The following HLX variants were observed in gnomAD, a reference collection of about 807,000 sequenced individuals.
HLX encodes H2.0-like homeobox protein.
In HLX, 6 loss-of-function variants were observed where a neutral mutation model predicts 27.7. That is an observed-to-expected ratio of 0.22 (90% CI 0.12 to 0.43). The LOEUF (loss-of-function observed/expected upper bound fraction) is 0.43. HLX is among the 20% of genes least tolerant of loss of function. The pLI is 1.00. For synonymous variants in HLX, 328 were observed against 293.8 expected (o/e 1.12, Z -1.19); for missense variants, 666 against 655.2 (o/e 1.02, Z -0.18).
chr1:220,879,873 C>T lies in HLX; in HGVS notation c.16C>T (p.Leu6=), dbSNP rs1674383985. ...CCCCGGCAGGATGTTCGCAGCCGGG[C>T]TGGCTCCCTTCTACGCCTCCAACTT... MFAAG[L]APFYASNFSL... is the part of the protein sequence containing the mutation. Residue 6 remains leucine, a synonymous_variant, in exon 1 of 4, where the codon CTG becomes TTG. Coordinates refer to ENST00000366903, the MANE Select transcript of HLX (RefSeq NM_021958.4). 3 of 1,584,722 alleles carry T rather than the reference C, an allele frequency of 1.9e-6. No individual in the cohort carries two copies. The East Asian group carries it at 6.8e-5, about 36-fold the overall frequency.
In HLX at chr1:220,884,875, C is replaced by A; in HGVS notation, c.*171C>A. The A allele has an allele frequency of 9.3e-7, 1 of 1,073,354 alleles. No individual in the cohort carries two copies. Among genetic ancestry groups the A allele is most frequent in the South Asian group, 1.6e-5 (1 of 62,586 alleles). 66.5% of individuals were successfully genotyped at this position (1,073,354 alleles called of 1,614,324 possible). A position where few individuals can be genotyped will look rare whatever the true frequency, so the allele number is the denominator to read the frequency against. Reference sequence around the variant, plus strand: ...CTGCTCCGACTGGCTGCAGCGGACACTGCCCAAAGCAGAGGGGAGTCTCAG... The same window carrying A: ...CTGCTCCGACTGGCTGCAGCGGACAATGCCCAAAGCAGAGGGGAGTCTCAG... On this transcript the variant is annotated 3_prime_UTR_variant, in exon 4 of 4. Transcript: ENST00000366903. This position sits in a 1 kb window ranked among gnomAD's most constrained non-coding sequence, Gnocchi z 4.9.
chr1:220,879,597 C>G lies in HLX; in HGVS notation c.-261C>G. The stretch of plus-strand genomic sequence containing the variant: ...CGGCCCCAGCGCCCCTCGCTCTCAT[C>G]CAGCCCGCGAGGAGTGCGGGCGCCG... On this transcript the variant is annotated 5_prime_UTR_variant, in exon 1 of 4. It adds an upstream start codon to the 5' untranslated region. Coordinates refer to ENST00000366903, the MANE Select transcript of HLX (RefSeq NM_021958.4). 3 of 537,652 alleles carry G rather than the reference C, an allele frequency of 5.6e-6. No homozygotes were observed. The East Asian group carries it at 1.1e-4, about 19-fold the overall frequency. 33.3% of individuals were successfully genotyped at this position (537,652 alleles called of 1,614,324 possible).
At position 220,880,256 on chromosome 1, in the gene HLX, G is replaced by A. The variant is rs764207745; in HGVS notation, c.399G>A (p.Pro133=). ...HPQQQQQQQQ[P]QQQQPPPPPR... is the part of the protein sequence containing the mutation. ...AACAACAACAGCAGCAGCAACAGCC[G>A]CAGCAGCAACAGCCTCCGCCTCCGC... The change falls in exon 1 of 4, where the codon CCG becomes CCA. Residue 133 remains proline, a synonymous_variant. Coordinates refer to ENST00000366903, the MANE Select transcript of HLX (RefSeq NM_021958.4). 1.9e-6 allele frequency: 3 copies of A among 1,613,140 alleles called. No individual in the cohort carries two copies. Among genetic ancestry groups the A allele is most frequent in the African/African-American group, 2.7e-5 (2 of 74,920 alleles).
chr1:220,883,304 CA>C (rs2102642997), intron 3 of HLX: 1 of 150,250 alleles, frequency 6.7e-6, no homozygotes, highest in African/African-American at 2.4e-5. Flanking sequence ...CACACACACA[CA>C]CACACACACA....
chr1:220,881,916 G>T, intron 2 of HLX: 1 of 562,940 alleles, frequency 1.8e-6, no homozygotes. Flanking sequence ...TTTTTCTCTT[G>T]GAATTAAAGG....
At position 220,879,980 on chromosome 1, in the gene HLX, G is replaced by T; in HGVS notation, c.123G>T (p.Lys41Asn). Residue 41 changes from lysine (K) to asparagine (N), a missense_variant, in exon 1 of 4, where the codon AAG becomes AAT. Coordinates refer to ENST00000366903, the MANE Select transcript of HLX (RefSeq NM_021958.4). ...SFPLDPAAVKKPSFCIADILH... is the reference protein window; with the variant it reads ...SFPLDPAAVKNPSFCIADILH... ...CCTTGGACCCCGCCGCCGTCAAAAA[G>T]CCCTCCTTCTGCATCGCAGACATTC... 1 of 1,598,964 alleles carries T rather than the reference G, an allele frequency of 6.3e-7. No homozygotes were observed. The highest frequency in any genetic ancestry group is 8.5e-7 in the Non-Finnish European group (1 of 1,179,168).
rs1674530770 is a variant in HLX, at chr1:220,884,670, C to G, written c.1433C>G (p.Pro478Arg). 1 of 1,610,946 alleles carries G rather than the reference C, an allele frequency of 6.2e-7. No homozygotes were observed. The highest frequency in any genetic ancestry group is 8.5e-7 in the Non-Finnish European group (1 of 1,179,474). Residue 478 changes from proline to arginine, a missense_variant, in exon 4 of 4, where the codon CCC (proline) becomes CGC (arginine). Transcript: ENST00000366903. This position sits in a 1 kb window ranked among gnomAD's most constrained non-coding sequence, Gnocchi z 4.9. ...ACAGCCAGCAGCGCTCCCAAAAGCCCCGAGCCAGCCCAAGGCGCGCTTGGC... is the reference window on the plus strand; with the variant it reads ...ACAGCCAGCAGCGCTCCCAAAAGCCGCGAGCCAGCCCAAGGCGCGCTTGGC... ...QPTASSAPKS[P>R]EPAQGALGCL
chr1:220,881,464 C>A, intron 2 of HLX, 91 bp downstream of exon 2: 4 of 1,073,658 alleles, frequency 3.7e-6, no homozygotes, highest in Middle Eastern at 2.0e-4. Context: ...GCCACGGTGT[C>A]GCAATCTCAC....
In HLX at chr1:220,880,165, A is replaced by G; in HGVS notation, c.308A>G (p.Glu103Gly). The change falls in exon 1 of 4, where the codon GAA becomes GGA. Residue 103 changes from glutamate to glycine, a missense_variant. Coordinates refer to ENST00000366903, the MANE Select transcript of HLX (RefSeq NM_021958.4). ...LRPTPVVAPS[E>G]VPAGFPQRLS... is the part of the protein sequence containing the mutation. ...CCCACCCCAGTGGTGGCGCCCTCCGAAGTCCCGGCTGGCTTCCCGCAGCGG... is the reference window on the plus strand; with the variant it reads ...CCCACCCCAGTGGTGGCGCCCTCCGGAGTCCCGGCTGGCTTCCCGCAGCGG... 1 of 1,612,918 alleles carries G rather than the reference A, an allele frequency of 6.2e-7. No homozygotes were observed. Among genetic ancestry groups the G allele is most frequent in the Non-Finnish European group, 8.5e-7 (1 of 1,179,582 alleles).
rs751039339 is a variant in HLX at position 220,884,643 on chromosome 1, C to T, written c.1406C>T (p.Pro469Leu). 6.2e-6 allele frequency: 10 copies of T among 1,610,892 alleles called. No homozygotes were observed. The highest frequency in any genetic ancestry group is 2.2e-5 in the East Asian group (1 of 44,822). ...TCGGAGCTTCTCCCTGCAACACAGCCCACAGCCAGCAGCGCTCCCAAAAGC... is the reference window on the plus strand; with the variant it reads ...TCGGAGCTTCTCCCTGCAACACAGCTCACAGCCAGCAGCGCTCCCAAAAGC... ...GASELLPATQPTASSAPKSPE... is the reference protein window; with the variant it reads ...GASELLPATQLTASSAPKSPE... The change falls in exon 4 of 4, where the codon CCC (proline) becomes CTC (leucine). Residue 469 changes from proline to leucine, a missense_variant. Pro to Leu is a moderately conservative substitution (Grantham distance 98). Transcript: ENST00000366903. This position sits in a 1 kb window ranked among gnomAD's most constrained non-coding sequence, Gnocchi z 4.9.
Position 220,880,916 on chromosome 1 carries a change from C to A in HLX, c.593-278C>A. The A allele has an allele frequency of 8.8e-6, 4 of 455,814 alleles. No individual in the cohort carries two copies. The Admixed American group carries it at 1.2e-4, about 14-fold the overall frequency. The allele number at this position is 455,814 out of a possible 1,614,324, so 28.2% of individuals were successfully genotyped here. A position where few individuals can be genotyped will look rare whatever the true frequency, so the allele number is the denominator to read the frequency against. Reference sequence around the variant, plus strand: ...TGGGGCGGAGGTTTTGCGTCTGTGGCGTTCTTGGAAGACACGTGAAAGTGA... The same window carrying A: ...TGGGGCGGAGGTTTTGCGTCTGTGGAGTTCTTGGAAGACACGTGAAAGTGA... On this transcript the variant is annotated intron_variant, in intron 1 of 3. Transcript: ENST00000366903.
intron 1 of HLX, 30 bp downstream of exon 1, chr1:220,880,479 C>G: frequency 6.2e-7 from 1 of 1,612,374 alleles, no homozygotes; most frequent in Non-Finnish European, 8.5e-7. Flanking sequence ...CTGCAGGCCT[C>G]TGACCACTGA....
rs1330173590 is a variant in HLX at position 220,884,886 on chromosome 1, A to G, written c.*182A>G. ...GGCTGCAGCGGACACTGCCCAAAGC[A>G]GAGGGGAGTCTCAGTGTCCTGCTAG... On this transcript the variant is annotated 3_prime_UTR_variant, in exon 4 of 4. Coordinates refer to ENST00000366903, the MANE Select transcript of HLX (RefSeq NM_021958.4). The surrounding 1 kb of genome is among the most constrained non-coding windows in gnomAD (Gnocchi z 4.9). 6 of 964,688 alleles carry G rather than the reference A, an allele frequency of 6.2e-6. No homozygotes were observed. The highest frequency in any genetic ancestry group is 7.5e-6 in the Non-Finnish European group (5 of 667,822). 59.8% of individuals were successfully genotyped at this position (964,688 alleles called of 1,614,324 possible).
Position 220,884,187 on chromosome 1 carries a change from C to A in HLX, c.958-8C>A. 1 of 1,613,716 alleles carries A rather than the reference C, an allele frequency of 6.2e-7. No homozygotes were observed. Among genetic ancestry groups the A allele is most frequent in the Non-Finnish European group, 8.5e-7 (1 of 1,179,906 alleles). On this transcript the variant is annotated splice_region_variant and splice_polypyrimidine_tract_variant and intron_variant, in intron 3 of 3. Coordinates refer to ENST00000366903, the MANE Select transcript of HLX (RefSeq NM_021958.4). The surrounding 1 kb of genome is among the most constrained non-coding windows in gnomAD (Gnocchi z 4.9). ...TCTCTTCTTGTCTCCCGGTGTGGCGCGGCGCAGGTGAAGGTGTGGTTCCAG... is the reference window on the plus strand; with the variant it reads ...TCTCTTCTTGTCTCCCGGTGTGGCGAGGCGCAGGTGAAGGTGTGGTTCCAG...
Position 220,881,957 on chromosome 1 carries a change from C to T in HLX, c.773-207C>T, listed in dbSNP as rs118059254. On this transcript the variant is annotated intron_variant, in intron 2 of 3. Transcript: ENST00000366903. ...CCGCCAGGCTTCTCCACTCCACGCT[C>T]GCTTTAGGTCTTCCGACTGTCGTGT... The T allele has an allele frequency of 7.5e-3, 4,977 of 664,198 alleles. 133 individuals carry two copies. Among genetic ancestry groups the T allele is most frequent in the South Asian group, 0.047 (3,069 of 65,402 alleles). The allele number at this position is 664,198 out of a possible 1,614,324, so 41.1% of individuals were successfully genotyped here. A position where few individuals can be genotyped will look rare whatever the true frequency, so the allele number is the denominator to read the frequency against.
At position 220,879,458 on chromosome 1, in the gene HLX, C is replaced by G. The variant is rs867284388; in HGVS notation, c.-400C>G. 70 of 187,258 alleles carry G rather than the reference C, an allele frequency of 3.7e-4. 1 individual carries two copies. The highest frequency in any genetic ancestry group is 1.6e-3 in the African/African-American group (69 of 43,094). The allele number at this position is 187,258 out of a possible 1,614,324, so 11.6% of individuals were successfully genotyped here. On this transcript the variant is annotated 5_prime_UTR_variant, in exon 1 of 4. Transcript: ENST00000366903. ...TTTTTTTTCTATTACTTTTCCCCCC[C>G]CCTAACTAACGGACTATTATTGTTG...
intron 3 of HLX, chr1:220,883,444 T>A (rs899810412): frequency 6.6e-6 from 1 of 152,394 alleles, no homozygotes; most frequent in Non-Finnish European, 1.5e-5. Context: ...GTATAGATTC[T>A]CTGCCCCATC....
intron 1 of HLX, 164 bp from the exon 2 acceptor site, chr1:220,881,030 C>T: frequency 3.0e-6 from 2 of 675,062 alleles, no homozygotes; most frequent in Non-Finnish European, 2.6e-6. Context: ...GTGCGTCGCT[C>T]CTTGGCAACT....
intron 3 of HLX, chr1:220,883,981 G>C: frequency 1.7e-6 from 1 of 602,888 alleles, no homozygotes; most frequent in South Asian, 2.0e-5. Flanking sequence ...GGTCTTAGTG[G>C]GTTCCCTAGG....
Sources: gnomAD v4.1 joint callset for allele counts on GRCh38, gnomAD v4.1.1 for gene constraint, Gnocchi (gnomAD v3.1) non-coding constraint, MANE v1.5 for transcripts, NCBI Gene and HGNC (gene_info 2026-07-23, HGNC 2026-07-21) for gene names.